LRRTM4: variants seen among roughly 807,000 people sequenced by gnomAD.
LRRTM4 encodes leucine-rich repeat transmembrane neuronal protein 4.
Under a neutral mutation model 47.6 loss-of-function variants are expected in LRRTM4, and 25 were observed. That is an observed-to-expected ratio of 0.53 (90% CI 0.38 to 0.73). The LOEUF (loss-of-function observed/expected upper bound fraction) is 0.73. Ranked by LOEUF, LRRTM4 falls within the 30% of genes least tolerant of loss-of-function variation. The probability of loss-of-function intolerance (pLI) is 0.00; values close to 1 mark genes in which losing one functional copy is unlikely to be tolerated. For synonymous variants in LRRTM4, 311 were observed against 269.5 expected, an observed-to-expected ratio of 1.15 and a Z score of -1.51; for missense variants, 638 against 713.4, an observed-to-expected ratio of 0.89 and a Z score of 1.20.
chr2:76,914,828 T>G (rs750477067), intron 3 of LRRTM4, among the ~76,000 whole-genome samples: 15 of 152,186 alleles, frequency 9.9e-5, no homozygotes, highest in Non-Finnish European at 1.9e-4. Flanking sequence ...ACTTCTCTAT[T>G]ATAGTCTGGC....
At chr2:76,906,210 G>T (rs1673832888) in intron 3 of LRRTM4, among the ~76,000 whole-genome samples, 1 of 151,944 alleles carries the variant, frequency 6.6e-6, no homozygotes, top group African/African-American at 2.4e-5. Context: ...TTAAAGAAAA[G>T]AATTTTCAAC....
intron 3 of LRRTM4, among the ~76,000 whole-genome samples, chr2:77,461,638 A>C (rs1350677500): frequency 2.0e-5 from 3 of 151,996 alleles, no homozygotes; most frequent in Non-Finnish European, 4.4e-5. Flanking sequence ...TTTTTTTCAG[A>C]AAGAAGCAAT....
rs570197398 is a variant in LRRTM4 at position 76,761,386 on chromosome 2, T to G, written c.1552-12470A>C. Among the ~76,000 whole-genome samples, 18 of 152,340 alleles carry G rather than the reference T, an allele frequency of 1.2e-4. No homozygotes were observed. In the South Asian group the frequency reaches 3.5e-3, roughly 30 times the overall value. On this transcript the variant is annotated intron_variant, in intron 3 of 3. Transcript: ENST00000409884. The stretch of plus-strand genomic sequence containing the variant: ...TGCTGGTGATTAAACTGCTATCCTC[T>G]TAGTTACCATCAATTTGGTTATGTA...
intron 3 of LRRTM4, among the ~76,000 whole-genome samples, chr2:76,780,962 TAGTTTTCCTTCTAACAGAG>T (rs1674349207): frequency 6.6e-6 from 1 of 152,214 alleles, no homozygotes; most frequent in African/African-American, 2.4e-5. Flanking sequence ...TTCTGTTTGT[TAGTTTTCCTTCTAACAGAG>T]AGGACCCTCA....
In LRRTM4 at chr2:77,428,475, A is replaced by AG. The variant is rs1363459201; in HGVS notation, c.1551+89842dup. 2.0e-5 allele frequency among the ~76,000 whole-genome samples: 3 copies of AG among 152,298 alleles called. No individual in the cohort carries two copies. The East Asian group carries it at 5.8e-4, about 29-fold the overall frequency. On this transcript the variant is annotated intron_variant, in intron 3 of 3. Transcript: ENST00000409884. The stretch of plus-strand genomic sequence containing the variant: ...TTGGCCTGGCAAAACTTTCATCAGG[A>AG]GACTGGCCCTGTTCCATAATTTTAT...
intron 3 of LRRTM4, among the ~76,000 whole-genome samples, chr2:76,878,369 C>CT (rs1273991975): frequency 6.6e-6 from 1 of 151,988 alleles, no homozygotes; most frequent in African/African-American, 2.4e-5. Context: ...ATAATGTCCT[C>CT]TAAGTTTGCA....
chr2:76,926,674 C>T (rs1244486632), intron 3 of LRRTM4, among the ~76,000 whole-genome samples: 1 of 152,100 alleles, frequency 6.6e-6, no homozygotes, highest in Non-Finnish European at 1.5e-5. Flanking sequence ...GAGTCTGACC[C>T]CTTCTTGCTC....
At chr2:77,399,193 T>C (rs1278164995) in intron 3 of LRRTM4, among the ~76,000 whole-genome samples, 6 of 150,266 alleles carry the variant, frequency 4.0e-5, no homozygotes, top group African/African-American at 9.8e-5. Context: ...TTTTAAAAAA[T>C]ATTTTTAAAT....
chr2:77,418,862 C>G lies in LRRTM4; in HGVS notation c.1551+99456G>C, dbSNP rs531150889. Among the ~76,000 whole-genome samples, 3 of 152,258 alleles carry G rather than the reference C, an allele frequency of 2.0e-5. No homozygotes were observed. The South Asian group carries it at 6.2e-4, about 32-fold the overall frequency. The stretch of plus-strand genomic sequence containing the variant: ...CATCTGTGTACTCCTTCTCCTCTGA[C>G]CAACTTTATTTACCTCCATAGCATT... On this transcript the variant is annotated intron_variant, in intron 3 of 3. Coordinates refer to ENST00000409884, the MANE Select transcript of LRRTM4 (RefSeq NM_001134745.3).
chr2:77,132,472 A>G (rs150887714), intron 3 of LRRTM4, among the ~76,000 whole-genome samples: 5 of 152,232 alleles, frequency 3.3e-5, no homozygotes, highest in Non-Finnish European at 4.4e-5. Context: ...CAGGTATCAA[A>G]ATTTGTAATT....
At chr2:77,115,895 T>C (rs1671378493) in intron 3 of LRRTM4, among the ~76,000 whole-genome samples, 1 of 152,290 alleles carries the variant, frequency 6.6e-6, no homozygotes, top group South Asian at 2.1e-4. Context: ...CAATCATCTG[T>C]TTTTCCTATT....
chr2:77,111,651 T>G (rs992266740), intron 3 of LRRTM4, among the ~76,000 whole-genome samples: 2 of 152,152 alleles, frequency 1.3e-5, no homozygotes, highest in African/African-American at 4.8e-5. Context: ...ATGGTGTCTA[T>G]GCTACCTGCC....
intron 3 of LRRTM4, among the ~76,000 whole-genome samples, chr2:77,317,951 T>C (rs1417411000): frequency 6.6e-6 from 1 of 152,006 alleles, no homozygotes; most frequent in African/African-American, 2.4e-5. Context: ...AAAACTAATG[T>C]ATTATTGTTT....
At chr2:77,403,320 A>T (rs1674037304) in intron 3 of LRRTM4, among the ~76,000 whole-genome samples, 1 of 151,962 alleles carries the variant, frequency 6.6e-6, no homozygotes, top group Admixed American at 6.6e-5. Flanking sequence ...ATCCTACTGA[A>T]CAAATTTTAT....
At chr2:77,092,451 A>C (rs1670677954) in intron 3 of LRRTM4, among the ~76,000 whole-genome samples, 1 of 143,948 alleles carries the variant, frequency 6.9e-6, no homozygotes, top group African/African-American at 2.8e-5. Context: ...AGAACCTCTC[A>C]TTTCCTTTCC....
At chr2:77,097,034 A>G (rs1670830714) in intron 3 of LRRTM4, among the ~76,000 whole-genome samples, 1 of 151,946 alleles carries the variant, frequency 6.6e-6, no homozygotes, top group Non-Finnish European at 1.5e-5. Context: ...ATTTGAAAGC[A>G]AAGGAAAAAT....
chr2:77,181,458 C>G (rs1673344433), intron 3 of LRRTM4, among the ~76,000 whole-genome samples: 1 of 151,990 alleles, frequency 6.6e-6, no homozygotes, highest in South Asian at 2.1e-4. Context: ...CAACAAATGA[C>G]TTAGAATTGA....
chr2:76,836,884 G>A (rs1671530779), intron 3 of LRRTM4, among the ~76,000 whole-genome samples: 1 of 152,070 alleles, frequency 6.6e-6, no homozygotes, highest in South Asian at 2.1e-4. Flanking sequence ...AGAGAAATTG[G>A]TTTGTCTTTT....
intron 3 of LRRTM4, among the ~76,000 whole-genome samples, chr2:77,480,304 G>C (rs1473549188): frequency 2.6e-5 from 4 of 152,048 alleles, no homozygotes; most frequent in Non-Finnish European, 5.9e-5. Flanking sequence ...TCTCCAACAC[G>C]ATTGCAGGGG....
Sources: allele counts gnomAD v4.1 joint callset (sites outside exome capture counted in the v4.1 genomes callset), GRCh38; gene constraint gnomAD v4.1.1; transcripts MANE v1.5; gene names NCBI Gene and HGNC (gene_info 2026-07-23, HGNC 2026-07-21).